WWOX: variants seen among roughly 807,000 people sequenced by gnomAD.
WWOX encodes WW domain-containing oxidoreductase.
In WWOX, 69 loss-of-function variants were observed where a neutral mutation model predicts 46.2. The ratio of observed to expected loss-of-function variants is 1.49; its 90% CI spans 1.23 to 1.82. WWOX has a LOEUF of 1.82. WWOX is among the 40% of genes most tolerant of loss of function. The probability of loss-of-function intolerance (pLI) is 0.00; values close to 1 mark genes in which losing one functional copy is unlikely to be tolerated. For synonymous variants in WWOX, 359 were observed against 202.6 expected, an observed-to-expected ratio of 1.77 and a Z score of -6.56; for missense variants, 919 against 542.6, an observed-to-expected ratio of 1.69 and a Z score of -6.89.
At chr16:78,707,972 A>G (rs751132086) in intron 8 of WWOX, among the ~76,000 whole-genome samples, 12 of 152,222 alleles carry the variant, frequency 7.9e-5, no homozygotes, top group African/African-American at 2.7e-4. Flanking sequence ...GGAATAGTAA[A>G]TAACACTTGA....
chr16:78,635,149 C>G (rs1273724461), intron 8 of WWOX, among the ~76,000 whole-genome samples: 1 of 152,144 alleles, frequency 6.6e-6, no homozygotes, highest in African/African-American at 2.4e-5. Context: ...AAAACTGTAC[C>G]TCTTGCCACT....
At chr16:78,535,027 T>G (rs1371964119) in intron 8 of WWOX, 1 of 152,248 alleles carries the variant, frequency 6.6e-6, no homozygotes, top group African/African-American at 2.4e-5. Flanking sequence ...CTTTATATTT[T>G]AAGACTATAC....
chr16:78,121,389 A>G (rs2033084633), intron 4 of WWOX, among the ~76,000 whole-genome samples: 1 of 152,236 alleles, frequency 6.6e-6, no homozygotes, highest in Non-Finnish European at 1.5e-5. Flanking sequence ...CTTAAATGAC[A>G]TTATATAAAA....
chr16:78,805,315 C>T, intron 8 of WWOX, among the ~76,000 whole-genome samples: 1 of 152,292 alleles, frequency 6.6e-6, no homozygotes, highest in South Asian at 2.1e-4. Flanking sequence ...TGCAGTGGCG[C>T]CATCTCAGGA....
At chr16:78,503,505 A>C (rs977200214) in intron 8 of WWOX, among the ~76,000 whole-genome samples, 4 of 152,152 alleles carry the variant, frequency 2.6e-5, no homozygotes, top group Non-Finnish European at 5.9e-5. Context: ...ATGCATCTTT[A>C]ATTTTACTCA....
intron 8 of WWOX, among the ~76,000 whole-genome samples, chr16:78,565,136 A>T (rs749041533): frequency 6.6e-6 from 1 of 151,930 alleles, no homozygotes; most frequent in Admixed American, 6.6e-5. Context: ...AGTAGAAGGA[A>T]CTCTGACTTT....
At chr16:79,027,294 A>AG in intron 8 of WWOX, among the ~76,000 whole-genome samples, 1 of 149,446 alleles carries the variant, frequency 6.7e-6, no homozygotes, top group South Asian at 2.2e-4. Context: ...AAAAAAAAAA[A>AG]GGTAGAGATG....
intron 8 of WWOX, among the ~76,000 whole-genome samples, chr16:79,182,461 T>C (rs1597453289): frequency 2.6e-5 from 4 of 152,318 alleles, no homozygotes; most frequent in Admixed American, 2.6e-4. Flanking sequence ...TATGGGCTTT[T>C]GGTGTAAGAA....
chr16:78,602,155 C>T (rs188432926), intron 8 of WWOX, among the ~76,000 whole-genome samples: 13 of 152,310 alleles, frequency 8.5e-5, no homozygotes, highest in Admixed American at 7.8e-4. Flanking sequence ...TTAGTCAGAG[C>T]ATAGAGGACT....
At chr16:78,579,979 C>T (rs563155694) in intron 8 of WWOX, among the ~76,000 whole-genome samples, 1 of 152,066 alleles carries the variant, frequency 6.6e-6, no homozygotes, top group Non-Finnish European at 1.5e-5. Context: ...GTCATGCCAG[C>T]GTTTAAGGCG....
intron 8 of WWOX, among the ~76,000 whole-genome samples, chr16:78,642,002 G>T (rs930643584): frequency 4.1e-4 from 63 of 152,032 alleles, no homozygotes; most frequent in African/African-American, 8.9e-4. Flanking sequence ...ATGCAAAGAG[G>T]GGGAAAAAGA....
chr16:78,244,137 G>C (rs886975416), intron 5 of WWOX, among the ~76,000 whole-genome samples: 1 of 152,162 alleles, frequency 6.6e-6, no homozygotes, highest in Admixed American at 6.5e-5. Flanking sequence ...TGGTGGGTAG[G>C]TCCCTTGATA....
chr16:78,473,131 T>C (rs2084268287), intron 8 of WWOX, among the ~76,000 whole-genome samples: 1 of 152,226 alleles, frequency 6.6e-6, no homozygotes, highest in African/African-American at 2.4e-5. Context: ...ATCTTTTATG[T>C]AATGTTTGTT....
intron 8 of WWOX, among the ~76,000 whole-genome samples, chr16:79,129,248 G>A (rs758351756): frequency 7.9e-5 from 12 of 151,312 alleles, no homozygotes; most frequent in Non-Finnish European, 1.2e-4. Context: ...AACCTCCAAC[G>A]CAAAATAGAG....
At chr16:78,753,679 G>A (rs1005438220) in intron 8 of WWOX, among the ~76,000 whole-genome samples, 2 of 150,948 alleles carry the variant, frequency 1.3e-5, no homozygotes, top group African/African-American at 4.9e-5. Flanking sequence ...GTATGTACCT[G>A]TAGTCCCAGG....
At chr16:78,701,662 C>G (rs951445618) in intron 8 of WWOX, among the ~76,000 whole-genome samples, 3 of 151,996 alleles carry the variant, frequency 2.0e-5, no homozygotes, top group Non-Finnish European at 4.4e-5. Flanking sequence ...AGCTTGGAAA[C>G]CAAGAGTCTA....
chr16:78,111,661 C>T lies in WWOX; in HGVS notation c.230+1826C>T, dbSNP rs577193267. Among the ~76,000 whole-genome samples, 22 of 152,308 alleles carry T rather than the reference C, an allele frequency of 1.4e-4. 1 individual carries two copies. In the South Asian group the frequency reaches 3.3e-3, roughly 23 times the overall value. ...TTATCCAGGCCTGCCCACAGTCATC[C>T]GGAGGCCTAAACCCCTCCCTGTGGT... On this transcript the variant is annotated intron_variant, in intron 3 of 8. Transcript: ENST00000566780.
At chr16:78,709,143 T>G (rs1391062950) in intron 8 of WWOX, among the ~76,000 whole-genome samples, 4 of 152,068 alleles carry the variant, frequency 2.6e-5, no homozygotes, top group African/African-American at 9.7e-5. Context: ...TCTAAATCCA[T>G]GAAAAAATAG....
chr16:78,953,747 C>T (rs372255275), intron 8 of WWOX, among the ~76,000 whole-genome samples: 2 of 152,188 alleles, frequency 1.3e-5, no homozygotes, highest in East Asian at 1.9e-4. Flanking sequence ...CTGCTCTCAT[C>T]ACCTGGTTTC....
Sources: allele counts gnomAD v4.1 joint callset (sites outside exome capture counted in the v4.1 genomes callset), GRCh38; gene constraint gnomAD v4.1.1; transcripts MANE v1.5; gene names NCBI Gene and HGNC (gene_info 2026-07-23, HGNC 2026-07-21).